Variants in ATP11C observed in about 807,000 individuals in gnomAD.
The protein encoded by ATP11C is ATPase phospholipid transporting 11C (ATP11C blood group), also known as phospholipid-transporting ATPase IG.
A neutral mutation model predicts 97.4 loss-of-function variants in ATP11C; 36 were observed. That is an observed-to-expected ratio of 0.37 (90% confidence interval 0.28 to 0.49). ATP11C has a LOEUF of 0.49. ATP11C is among the 20% of genes least tolerant of loss of function. The pLI, the probability that ATP11C is intolerant of heterozygous loss-of-function variation, is 0.98. For missense variants in ATP11C, 730 were observed against 824.6 expected (o/e 0.89, Z 1.40); for synonymous variants, 275 against 290.9 (o/e 0.95, Z 0.56).
intron 1 of ATP11C, among the ~76,000 whole-genome samples, chrX:139,922,224 AT>A (rs1167310329): frequency 7.9e-4 from 1 of 1,258 alleles, no homozygotes; most frequent in Non-Finnish European, 2.0e-3. Flanking sequence ...CCTTCTCTAA[AT>A]ATATATATAT....
chrX:139,809,068 G>A (rs1208410588), intron 5 of ATP11C, among the ~76,000 whole-genome samples: 2 of 108,668 alleles, frequency 1.8e-5, no homozygotes, highest in Non-Finnish European at 3.8e-5. Context: ...AGCCGAGATC[G>A]TGCCACTGTA....
intron 1 of ATP11C, among the ~76,000 whole-genome samples, chrX:139,871,322 C>T (rs2084372992): frequency 9.4e-6 from 1 of 106,135 alleles, no homozygotes; most frequent in Non-Finnish European, 1.9e-5. Flanking sequence ...GACTCTCATG[C>T]CTCAGCTCCC....
chrX:139,860,041 C>G (rs2084159032), intron 1 of ATP11C, among the ~76,000 whole-genome samples: 1 of 71,104 alleles, frequency 1.4e-5, no homozygotes, highest in African/African-American at 1.3e-4. Flanking sequence ...GGAGGCGGAG[C>G]TTGCAGTGAG....
chrX:139,765,091 C>G (rs1327797376), intron 20 of ATP11C, among the ~76,000 whole-genome samples: 1 of 110,738 alleles, frequency 9.0e-6, no homozygotes, highest in East Asian at 2.8e-4. Flanking sequence ...GTAAAACTCT[C>G]CACTGTAGAA....
chrX:139,857,551 G>A (rs780384067), intron 1 of ATP11C, among the ~76,000 whole-genome samples: 2 of 110,337 alleles, frequency 1.8e-5, no homozygotes, highest in Non-Finnish European at 3.8e-5. Flanking sequence ...CCTGATTCCC[G>A]CCAAAGCACT....
chrX:139,878,224 CACAG>C (rs1338638532), intron 1 of ATP11C, among the ~76,000 whole-genome samples: 3 of 111,355 alleles, frequency 2.7e-5, no homozygotes, highest in East Asian at 2.8e-4. Flanking sequence ...GCAAATAATG[CACAG>C]ACAAAGCTTA....
intron 27 of ATP11C, among the ~76,000 whole-genome samples, chrX:139,738,820 T>C (rs1429904346): frequency 9.1e-6 from 1 of 110,021 alleles, no homozygotes; most frequent in African/African-American, 3.3e-5. Flanking sequence ...TATTGTTCTT[T>C]GAAGGTGAGG....
intron 20 of ATP11C, among the ~76,000 whole-genome samples, chrX:139,764,673 T>C (rs899544661): frequency 4.4e-5 from 5 of 112,727 alleles, no homozygotes; most frequent in Non-Finnish European, 9.4e-5. Context: ...TGAAAAATAA[T>C]TCATGAGGCT....
intron 1 of ATP11C, among the ~76,000 whole-genome samples, chrX:139,871,062 C>CAA (rs142699531): frequency 3.4e-4 from 13 of 38,791 alleles, no homozygotes; most frequent in Admixed American, 6.3e-4. Context: ...GACTCCGTCT[C>CAA]AAAAAAAAAA....
At chrX:139,763,647 G>GT (rs1436454285) in intron 20 of ATP11C, among the ~76,000 whole-genome samples, 5 of 112,159 alleles carry the variant, frequency 4.5e-5, no homozygotes, top group Non-Finnish European at 9.4e-5. Flanking sequence ...GTTTCTTTTA[G>GT]TAACTAACTA....
At chrX:139,849,913 T>TG (rs1170954596) in intron 1 of ATP11C, among the ~76,000 whole-genome samples, 5 of 112,330 alleles carry the variant, frequency 4.5e-5, no homozygotes, top group African/African-American at 1.6e-4. Flanking sequence ...CTTGCTCACT[T>TG]GCTCTTGCCC....
chrX:139,881,476 G>A (rs747326192), intron 1 of ATP11C, among the ~76,000 whole-genome samples: 2 of 110,586 alleles, frequency 1.8e-5, no homozygotes, highest in South Asian at 3.9e-4. Context: ...GTAGGCGGCC[G>A]GTAGCAATTC....
chrX:139,875,169 T>C (rs2148028843), intron 1 of ATP11C, among the ~76,000 whole-genome samples: 1 of 111,157 alleles, frequency 9.0e-6, no homozygotes, highest in African/African-American at 3.3e-5. Flanking sequence ...AACTACCTGG[T>C]TTCTCATCTG....
intron 19 of ATP11C, among the ~76,000 whole-genome samples, chrX:139,772,070 GGCCAGGCCCA>G (rs1343851090): frequency 4.5e-5 from 5 of 111,916 alleles, no homozygotes; most frequent in African/African-American, 1.6e-4. Flanking sequence ...TGGTTTCATG[GGCCAGGCCCA>G]GCGTCCCCGT....
intron 1 of ATP11C, among the ~76,000 whole-genome samples, chrX:139,884,387 C>T (rs1419318299): frequency 2.7e-5 from 3 of 112,353 alleles, no homozygotes. Flanking sequence ...CTAAAGTTAG[C>T]TAGCAATGGT....
chrX:139,766,768 G>A (rs2082147276), intron 20 of ATP11C, among the ~76,000 whole-genome samples: 1 of 111,920 alleles, frequency 8.9e-6, no homozygotes, highest in African/African-American at 3.2e-5. Flanking sequence ...GTAGGTAATG[G>A]AGACTCTAAG....
At chrX:139,912,174 C>CAAAAAAAAAAAA (rs1162620391) in intron 1 of ATP11C, among the ~76,000 whole-genome samples, 1 of 24,541 alleles carries the variant, frequency 4.1e-5, no homozygotes, top group African/African-American at 1.2e-4. Flanking sequence ...GACTCTGTCT[C>CAAAAAAAAAAAA]AAAAAAAAAA....
chrX:139,820,347 G>A (rs1362392932), intron 2 of ATP11C, among the ~76,000 whole-genome samples: 2 of 110,937 alleles, frequency 1.8e-5, no homozygotes, highest in Non-Finnish European at 3.8e-5. Context: ...GCTGCAGTGA[G>A]CTGATATGGT....
intron 1 of ATP11C, among the ~76,000 whole-genome samples, chrX:139,905,301 T>C (rs1390175281): frequency 8.9e-6 from 1 of 112,115 alleles, no homozygotes; most frequent in African/African-American, 3.2e-5. Context: ...AATGGAAAAT[T>C]CCTTTTGAGA....
Sources: allele counts gnomAD v4.1 joint callset (sites outside exome capture counted in the v4.1 genomes callset), GRCh38; gene constraint gnomAD v4.1.1; transcripts MANE v1.5; gene names NCBI Gene and HGNC (gene_info 2026-07-23, HGNC 2026-07-21).